Variants in LRP1B observed in about 807,000 individuals in gnomAD.
The protein encoded by LRP1B is low-density lipoprotein receptor-related protein 1B.
LRP1B carries 217 observed loss-of-function variants against 556.6 expected under a neutral mutation model. The observed-to-expected ratio is 0.39, with a 90% CI of 0.35 to 0.44. The LOEUF (loss-of-function observed/expected upper bound fraction) is 0.44. Ranked by LOEUF, LRP1B falls within the 20% of genes least tolerant of loss-of-function variation. The pLI is 1.00. For missense variants in LRP1B, 5,053 were observed against 5,620.8 expected (o/e 0.90, Z 3.23); for synonymous variants, 2,047 against 1,865.8 (o/e 1.10, Z -2.50).
intron 18 of LRP1B, among the ~76,000 whole-genome samples, chr2:140,981,514 G>A (rs905355909): frequency 1.4e-4 from 22 of 152,010 alleles, no homozygotes; most frequent in African/African-American, 4.3e-4. Context: ...AAATGGTAAC[G>A]AAACATACTG....
chr2:140,828,370 G>A (rs1436378345), intron 31 of LRP1B, among the ~76,000 whole-genome samples: 2 of 151,530 alleles, frequency 1.3e-5, no homozygotes, highest in African/African-American at 4.8e-5. Context: ...AGCACTTTGG[G>A]AGGCCGAGGC....
chr2:141,423,284 C>T (rs75850788), intron 3 of LRP1B, among the ~76,000 whole-genome samples: 8,444 of 133,936 alleles, frequency 0.063, 407 homozygotes, highest in South Asian at 0.13. Context: ...TAGGCAACAG[C>T]CAGAGCTTTT....
intron 84 of LRP1B, among the ~76,000 whole-genome samples, chr2:140,291,390 C>T (rs1440915862): frequency 2.1e-5 from 3 of 145,340 alleles, no homozygotes; most frequent in African/African-American, 5.0e-5. Context: ...ATACATGTGT[C>T]GTGTTGGTGT....
chr2:141,684,053 C>T (rs1430347996), intron 2 of LRP1B, among the ~76,000 whole-genome samples: 3 of 151,894 alleles, frequency 2.0e-5, no homozygotes, highest in African/African-American at 7.3e-5. Context: ...GGAAATTCCT[C>T]AAGGATCTAG....
At chr2:140,820,603 TTAAG>T (rs1270216933) in intron 31 of LRP1B, among the ~76,000 whole-genome samples, 2 of 152,234 alleles carry the variant, frequency 1.3e-5, no homozygotes, top group Admixed American at 1.3e-4. Flanking sequence ...AAATTATTTT[TTAAG>T]TGTTTTCTTT....
At chr2:140,927,452 C>T (rs555899267) in intron 20 of LRP1B, among the ~76,000 whole-genome samples, 2 of 152,152 alleles carry the variant, frequency 1.3e-5, no homozygotes, top group South Asian at 2.1e-4. Context: ...TATGATTGTA[C>T]CATTTTTAAC....
chr2:140,330,543 C>T (rs779627170), intron 79 of LRP1B, among the ~76,000 whole-genome samples: 2 of 151,944 alleles, frequency 1.3e-5, no homozygotes, highest in Non-Finnish European at 2.9e-5. Context: ...AAACTGGACC[C>T]CTTCCTTACA....
At chr2:141,076,797 A>C (rs1699798844) in intron 7 of LRP1B, among the ~76,000 whole-genome samples, 1 of 152,200 alleles carries the variant, frequency 6.6e-6, no homozygotes, top group Non-Finnish European at 1.5e-5. Context: ...CTCTAGAGAA[A>C]ATACAAAACA....
chr2:140,662,658 A>T (rs574461361), intron 41 of LRP1B, among the ~76,000 whole-genome samples: 6 of 152,290 alleles, frequency 3.9e-5, no homozygotes, highest in Admixed American at 1.3e-4. Context: ...CACAAATAGA[A>T]AGAATTAAAT....
chr2:141,718,530 T>C (rs1692702804), intron 2 of LRP1B, among the ~76,000 whole-genome samples: 1 of 152,200 alleles, frequency 6.6e-6, no homozygotes, highest in African/African-American at 2.4e-5. Flanking sequence ...TTATTGGTAC[T>C]CTCAGGTACT....
intron 3 of LRP1B, among the ~76,000 whole-genome samples, chr2:141,451,575 G>T (rs1238456626): frequency 6.6e-6 from 1 of 151,938 alleles, no homozygotes; most frequent in Admixed American, 6.6e-5. Flanking sequence ...CTATATAATT[G>T]TACCTGTTGG....
At chr2:141,774,686 C>T (rs940078776) in intron 2 of LRP1B, among the ~76,000 whole-genome samples, 2 of 152,098 alleles carry the variant, frequency 1.3e-5, no homozygotes, top group African/African-American at 4.8e-5. Context: ...TTGGAAACAC[C>T]GTCCCTTCAA....
In LRP1B at chr2:140,644,359, T is replaced by C. The variant is rs181544078; in HGVS notation, c.6800-42720A>G. On this transcript the variant is annotated intron_variant, in intron 41 of 90. Transcript: ENST00000389484. ...CTTTATGTTAATATTTGATTCTCAA[T>C]AGGACACATAATAGCATCAATCATT... 3.3e-5 allele frequency among the ~76,000 whole-genome samples: 5 copies of C among 152,034 alleles called. No individual in the cohort carries two copies. In the East Asian group the frequency reaches 9.7e-4, roughly 29 times the overall value.
chr2:142,081,519 G>A (rs148967159), intron 1 of LRP1B, among the ~76,000 whole-genome samples: 109 of 152,254 alleles, frequency 7.2e-4, no homozygotes, highest in Non-Finnish European at 1.2e-3. Context: ...GAAAAGAGGC[G>A]TGGATGAAAC....
chr2:141,040,823 C>T (rs1327962800), intron 11 of LRP1B, among the ~76,000 whole-genome samples: 1 of 151,994 alleles, frequency 6.6e-6, no homozygotes, highest in East Asian at 1.9e-4. Context: ...CCTTCAATTG[C>T]CAAATAAGCA....
Position 140,876,378 on chromosome 2 carries a change from G to C in LRP1B, c.4169+7439C>G, listed in dbSNP as rs547684819. Among the ~76,000 whole-genome samples, 4 of 152,182 alleles carry C rather than the reference G, an allele frequency of 2.6e-5. No homozygotes were observed. In the South Asian group the frequency reaches 8.3e-4, roughly 32 times the overall value. On this transcript the variant is annotated intron_variant, in intron 25 of 90. Transcript: ENST00000389484. ...AATTTTGAAACTATTTGTGAGTATT[G>C]TTAGCTTATGGCAATACAGTTATTT...
chr2:140,856,738 T>TACACACACACACACAC (rs57220779), intron 27 of LRP1B, among the ~76,000 whole-genome samples: 8 of 148,358 alleles, frequency 5.4e-5, no homozygotes, highest in African/African-American at 1.8e-4. Flanking sequence ...CTAAGAGAGA[T>TACACACACACACACAC]ACACACACAC....
chr2:140,423,585 AT>A (rs1685538871), intron 66 of LRP1B, among the ~76,000 whole-genome samples: 1 of 152,164 alleles, frequency 6.6e-6, no homozygotes, highest in South Asian at 2.1e-4. Flanking sequence ...AGAATTGATT[AT>A]CTCTACTAAT....
At chr2:141,773,791 A>G (rs975506573) in intron 2 of LRP1B, among the ~76,000 whole-genome samples, 1 of 152,250 alleles carries the variant, frequency 6.6e-6, no homozygotes, top group Non-Finnish European at 1.5e-5. Flanking sequence ...TTTGCCAAGT[A>G]CTTGAAATAC....
Sources: allele counts gnomAD v4.1 joint callset (sites outside exome capture counted in the v4.1 genomes callset), GRCh38; gene constraint gnomAD v4.1.1; transcripts MANE v1.5; gene names NCBI Gene and HGNC (gene_info 2026-07-23, HGNC 2026-07-21).